TNNT2: variants seen among roughly 807,000 people sequenced by gnomAD.
TNNT2 encodes the protein troponin T2, cardiac type, also known as troponin T, cardiac muscle.
A neutral mutation model predicts 62.4 loss-of-function variants in TNNT2; 34 were observed. The observed-to-expected ratio is 0.54, with a 90% CI of 0.41 to 0.72. The LOEUF is 0.72. TNNT2 is among the 30% of genes least tolerant of loss of function. The pLI is 0.00. For missense variants in TNNT2, 275 were observed against 381.9 expected, an observed-to-expected ratio of 0.72 and a Z score of 2.33; for synonymous variants, 123 against 127.2, an observed-to-expected ratio of 0.97 and a Z score of 0.22.
intron 1 of TNNT2, chr1:201,374,384 C>T (rs1186766765): frequency 1.3e-5 from 2 of 152,072 alleles, no homozygotes; most frequent in African/African-American, 4.8e-5. Flanking sequence ...TTAGGCGAGT[C>T]TTTTTAACAT....
At chr1:201,369,751 GAC>G (rs1282604199) in intron 5 of TNNT2, 63 bp downstream of exon 5, 1 of 1,608,422 alleles carries the variant, frequency 6.2e-7, no homozygotes, top group Admixed American at 1.7e-5. Context: ...AGGGCCCCTG[GAC>G]AAGGAGGCTG....
rs778890563 is a variant in TNNT2, at chr1:201,377,617, C to G, written c.-15+6G>C. The G allele has an allele frequency of 5.3e-5, 24 of 456,184 alleles. 2 individuals carry two copies. The highest frequency in any genetic ancestry group is 3.7e-4 in the South Asian group (24 of 64,570). The allele number at this position is 456,184 out of a possible 1,614,324, so 28.3% of individuals were successfully genotyped here. ...CCTCTTCCCCAGAGCCCTGCCCGAG[C>G]CTTACCTCAGAACAGCAGCTGCCGA... On this transcript the variant is annotated splice_donor_region_variant and intron_variant, in intron 1 of 16. Coordinates refer to ENST00000656932, the MANE Select transcript of TNNT2 (RefSeq NM_001276345.2).
At chr1:201,370,265 T>C (rs1660422780) in intron 4 of TNNT2, among the ~76,000 whole-genome samples, 1 of 152,134 alleles carries the variant, frequency 6.6e-6, no homozygotes, top group Non-Finnish European at 1.5e-5. Flanking sequence ...TCCATCAAAT[T>C]TCCTGCCCTC....
At chr1:201,377,067 G>A (rs1210874912) in intron 1 of TNNT2, among the ~76,000 whole-genome samples, 2 of 152,196 alleles carry the variant, frequency 1.3e-5, no homozygotes, top group African/African-American at 2.4e-5. Context: ...ACATCTGGTC[G>A]TTCTCAGTAC....
chr1:201,360,840 A>T (rs1658488827), intron 15 of TNNT2: 2 of 303,430 alleles, frequency 6.6e-6, no homozygotes, highest in Non-Finnish European at 1.3e-5. Flanking sequence ...TGCACATAGG[A>T]CTCCGAAAGA....
At position 201,361,274 on chromosome 1, in the gene TNNT2, C is replaced by T. The variant is rs730881113; in HGVS notation, c.810+5G>A. On this transcript the variant is annotated splice_donor_5th_base_variant and intron_variant, in intron 15 of 16. Coordinates refer to ENST00000656932, the MANE Select transcript of TNNT2 (RefSeq NM_001276345.2). ...ATGCTGGGCGGGGACAGCATGGCGG[C>T]CCACCTCATATTTCTGCTGCTTGAA... 18 of 1,613,732 alleles carry T rather than the reference C, an allele frequency of 1.1e-5. No homozygotes were observed. Among genetic ancestry groups the T allele is most frequent in the Non-Finnish European group, 1.4e-5 (17 of 1,179,776 alleles).
At chr1:201,359,748 G>A in intron 15 of TNNT2, 85 bp from the exon 16 acceptor site, 1 of 1,155,814 alleles carries the variant, frequency 8.7e-7, no homozygotes, top group Non-Finnish European at 1.3e-6. Context: ...GGAGAAGGGG[G>A]CTGAGTGCAG....
At position 201,375,528 on chromosome 1, in the gene TNNT2, C is replaced by T. The variant is rs891988830; in HGVS notation, c.-15+2095G>A. Among the ~76,000 whole-genome samples the T allele has an allele frequency of 2.6e-5, 4 of 152,144 alleles. No individual in the cohort carries two copies. The East Asian group carries it at 7.7e-4, about 29-fold the overall frequency. On this transcript the variant is annotated intron_variant, in intron 1 of 16. Transcript: ENST00000656932. Reference sequence around the variant, plus strand: ...CGAGGTGCTATAATGCGGGATCAAGCCTCATTCTGCTGAAAAAAAGACTCA... The same window carrying T: ...CGAGGTGCTATAATGCGGGATCAAGTCTCATTCTGCTGAAAAAAAGACTCA...
chr1:201,359,594 G>C, intron 16 of TNNT2, 29 bp downstream of exon 16: 2 of 1,592,594 alleles, frequency 1.3e-6, no homozygotes, highest in Non-Finnish European at 1.7e-6. Flanking sequence ...CAGGGGGAGG[G>C]CTAGGCGAGA....
chr1:201,375,255 CA>C (rs1358913114), intron 1 of TNNT2: 6 of 152,404 alleles, frequency 3.9e-5, no homozygotes, highest in Non-Finnish European at 5.9e-5. Context: ...TCCCCAGACT[CA>C]GCACCCACTG....
intron 12 of TNNT2, 119 bp downstream of exon 12, chr1:201,363,177 C>G: frequency 6.3e-7 from 1 of 1,595,806 alleles, no homozygotes; most frequent in South Asian, 1.1e-5. Flanking sequence ...AGTCTTCCAC[C>G]CACAGCAGCT....
intron 5 of TNNT2, chr1:201,369,241 C>T (rs1660202502): frequency 1.5e-5 from 7 of 468,868 alleles, no homozygotes; most frequent in East Asian, 7.0e-5. Context: ...GCTGTCAGAA[C>T]GCACTTTCTA....
intron 11 of TNNT2, 104 bp downstream of exon 11, chr1:201,364,194 C>T (rs760679057): frequency 8.6e-6 from 11 of 1,284,110 alleles, no homozygotes; most frequent in Non-Finnish European, 1.1e-5. Context: ...AATATTGTCT[C>T]TTGACTGATT....
At chr1:201,363,428 G>A in intron 11 of TNNT2, 22 bp from the exon 12 acceptor site, 2 of 1,610,066 alleles carry the variant, frequency 1.2e-6, no homozygotes, top group South Asian at 2.2e-5. Flanking sequence ...CAGGGAGGAA[G>A]AAAGCAAATT....
intron 4 of TNNT2, among the ~76,000 whole-genome samples, chr1:201,370,536 C>T (rs1034657008): frequency 6.6e-6 from 1 of 152,220 alleles, no homozygotes; most frequent in African/African-American, 2.4e-5. Flanking sequence ...GGAACAATTC[C>T]TCTCCTGGAA....
chr1:201,365,841 C>T, intron 8 of TNNT2, 171 bp from the exon 9 acceptor site: 1 of 1,510,116 alleles, frequency 6.6e-7, no homozygotes, highest in Admixed American at 2.0e-5. Context: ...CAGCCTTGCT[C>T]AGCACCTGGG....
chr1:201,374,232 G>A (rs1661063087), intron 1 of TNNT2: 1 of 150,610 alleles, frequency 6.6e-6, no homozygotes, highest in African/African-American at 2.5e-5. Flanking sequence ...AAAGACAACT[G>A]TGTACTAGTC....
intron 5 of TNNT2, 82 bp from the exon 6 acceptor site, chr1:201,368,309 G>T: frequency 7.0e-7 from 1 of 1,430,558 alleles, no homozygotes; most frequent in Non-Finnish European, 9.8e-7. Context: ...AATGGGCAGC[G>T]GGGAGTGGGG....
At chr1:201,371,896 CTGT>C (rs1660660213) in intron 4 of TNNT2, 128 bp downstream of exon 4, 4 of 1,247,004 alleles carry the variant, frequency 3.2e-6, no homozygotes, top group East Asian at 2.4e-5. Flanking sequence ...TTAGAAGGCA[CTGT>C]TGTTGGAGGA....
Sources: gnomAD v4.1 joint callset for allele counts (sites outside exome capture counted in the v4.1 genomes callset) on GRCh38, gnomAD v4.1.1 for gene constraint, MANE v1.5 for transcripts, NCBI Gene and HGNC (gene_info 2026-07-23, HGNC 2026-07-21) for gene names.